The following DHX9 variants were observed in gnomAD, a reference collection of about 807,000 sequenced individuals.
DHX9 encodes DExH-box helicase 9.
In DHX9, 27 loss-of-function variants were observed where a neutral mutation model predicts 148.7. The ratio of observed to expected loss-of-function variants is 0.18; its 90% CI spans 0.13 to 0.25. DHX9 has a LOEUF of 0.25. Ranked by LOEUF, DHX9 falls within the 10% of genes least tolerant of loss-of-function variation. DHX9 has a pLI of 1.00. For synonymous variants in DHX9, 529 were observed against 516.6 expected (o/e 1.02, Z -0.33); for missense variants, 796 against 1,559.6 (o/e 0.51, Z 8.25).
intron 16 of DHX9, 109 bp from the exon 17 acceptor site, chr1:182,875,941 A>G: frequency 1.2e-6 from 1 of 828,762 alleles, no homozygotes; most frequent in Non-Finnish European, 1.9e-6. Context: ...CTAGTCAACT[A>G]GAATAAATAA....
chr1:182,839,882 A>AG (rs1179638742), intron 1 of DHX9: 4 of 152,324 alleles, frequency 2.6e-5, no homozygotes, highest in Admixed American at 1.3e-4. Flanking sequence ...TTGTGGGTAG[A>AG]GGAAAAAAAA....
intron 5 of DHX9, among the ~76,000 whole-genome samples, chr1:182,853,734 G>A (rs757689624): frequency 6.6e-6 from 1 of 151,568 alleles, no homozygotes; most frequent in Admixed American, 6.6e-5. Context: ...AAAGTCTTTA[G>A]TATAGCTTAT....
chr1:182,872,978 A>G (rs926844769), intron 15 of DHX9, among the ~76,000 whole-genome samples: 1 of 152,150 alleles, frequency 6.6e-6, no homozygotes, highest in Non-Finnish European at 1.5e-5. Context: ...TTCTAAGACA[A>G]GGTCTCACTC....
chr1:182,858,709 T>C, intron 9 of DHX9, 24 bp from the exon 10 acceptor site: 1 of 1,612,862 alleles, frequency 6.2e-7, no homozygotes, highest in Non-Finnish European at 8.5e-7. Flanking sequence ...ATATTTTTTG[T>C]TTGTTTTTCT....
intron 6 of DHX9, 39 bp downstream of exon 6, chr1:182,854,217 A>AGGT (rs1384442301): frequency 6.5e-7 from 1 of 1,550,096 alleles, no homozygotes; most frequent in Admixed American, 1.9e-5. Flanking sequence ...TAGTAAGTTA[A>AGGT]GGTGGTTTTG....
chr1:182,881,950 T>A (rs1484270150), intron 24 of DHX9, among the ~76,000 whole-genome samples: 1 of 152,200 alleles, frequency 6.6e-6, no homozygotes, highest in Non-Finnish European at 1.5e-5. Flanking sequence ...CTTTATGACA[T>A]CTAACATAGA....
intron 11 of DHX9, among the ~76,000 whole-genome samples, chr1:182,859,641 C>G (rs1360850098): frequency 6.6e-6 from 1 of 152,026 alleles, no homozygotes; most frequent in Non-Finnish European, 1.5e-5. Context: ...GAGACAAAGT[C>G]TCGCTTAGTT....
At chr1:182,846,456 A>T (rs1008651898) in intron 3 of DHX9, among the ~76,000 whole-genome samples, 2 of 151,874 alleles carry the variant, frequency 1.3e-5, no homozygotes, top group African/African-American at 4.8e-5. Context: ...CTGGTCTCCA[A>T]CTCCCAACCT....
At chr1:182,875,305 C>T (rs1648710477) in intron 16 of DHX9, 1 of 427,092 alleles carries the variant, frequency 2.3e-6, no homozygotes, top group Admixed American at 2.7e-5. Flanking sequence ...GGTAGAAAGA[C>T]AGAATGCTGT....
intron 3 of DHX9, among the ~76,000 whole-genome samples, chr1:182,849,399 ATTC>A (rs1401820559): frequency 6.6e-6 from 1 of 152,234 alleles, no homozygotes; most frequent in African/African-American, 2.4e-5. Flanking sequence ...CTAAAACATA[ATTC>A]TTTTTTTAAA....
chr1:182,843,735 T>C lies in DHX9; in HGVS notation c.252+301T>C, dbSNP rs1667973058. On this transcript the variant is annotated intron_variant, in intron 3 of 27. Transcript: ENST00000367549. The stretch of plus-strand genomic sequence containing the variant: ...TCTGTTATGTTCCATTCATTACCAA[T>C]GATAATACTTTAAATAAAATAGAAA... Among the ~76,000 whole-genome samples the C allele has an allele frequency of 3.9e-5, 6 of 152,306 alleles. No homozygotes were observed. In the South Asian group the frequency reaches 1.2e-3, roughly 32 times the overall value.
chr1:182,844,011 T>C (rs555416911), intron 3 of DHX9, among the ~76,000 whole-genome samples: 2 of 152,260 alleles, frequency 1.3e-5, no homozygotes, highest in South Asian at 4.1e-4. Flanking sequence ...CAGGCTGGAG[T>C]GATCTCGGCT....
chr1:182,882,653 T>A (rs567714559), intron 24 of DHX9, among the ~76,000 whole-genome samples: 1 of 152,048 alleles, frequency 6.6e-6, no homozygotes, highest in African/African-American at 2.4e-5. Context: ...GATCACGAGG[T>A]CAGGAGATCG....
chr1:182,871,039 C>G (rs1648532611), intron 14 of DHX9, among the ~76,000 whole-genome samples: 1 of 152,086 alleles, frequency 6.6e-6, no homozygotes, highest in South Asian at 2.1e-4. Flanking sequence ...ATGAAATGCA[C>G]TAACCTTGAA....
intron 12 of DHX9, among the ~76,000 whole-genome samples, chr1:182,860,904 G>A (rs558684472): frequency 6.6e-6 from 1 of 152,292 alleles, no homozygotes; most frequent in East Asian, 1.9e-4. Context: ...TTGTGGGAGA[G>A]CATTGCAAAT....
intron 1 of DHX9, chr1:182,839,764 G>A (rs898691886): frequency 5.9e-5 from 9 of 152,380 alleles, no homozygotes; most frequent in African/African-American, 2.2e-4. Flanking sequence ...GCACCGCGGC[G>A]GCTGAGGGAA....
chr1:182,847,314 C>T (rs1668049976), intron 3 of DHX9, among the ~76,000 whole-genome samples: 1 of 152,152 alleles, frequency 6.6e-6, no homozygotes, highest in African/African-American at 2.4e-5. Flanking sequence ...GAATATTATG[C>T]TGTGGAGACT....
intron 27 of DHX9, among the ~76,000 whole-genome samples, chr1:182,886,367 T>C (rs998733124): frequency 4.6e-5 from 7 of 151,896 alleles, no homozygotes; most frequent in African/African-American, 1.7e-4. Context: ...AGCTAATTTT[T>C]GTATTTTTAG....
Position 182,887,175 on chromosome 1 carries a change from A to G in DHX9, c.3554A>G (p.Tyr1185Cys), listed in dbSNP as rs1649369140. The change falls in exon 28 of 28, where the codon TAT becomes TGT. Residue 1185 changes from tyrosine (Y) to cysteine (C), a missense_variant. Physicochemically the swap from Tyr to Cys is radical, Grantham distance 194. This residue lies in a region of DHX9 where 86 missense variants were observed against 156.3 expected (regional missense o/e 0.55). Coordinates refer to ENST00000367549, the MANE Select transcript of DHX9 (RefSeq NM_001357.5). ...RGGSSYSGGG[Y>C]GGGYSSGGYG... ...GGTTCTAGTTACAGTGGTGGAGGCT[A>G]TGGCGGTGGCTATAGCAGTGGAGGC... The G allele has an allele frequency of 3.7e-6, 6 of 1,614,148 alleles. No individual in the cohort carries two copies. The highest frequency in any genetic ancestry group is 1.7e-5 in the Admixed American group (1 of 60,016).
Sources: allele counts gnomAD v4.1 joint callset (sites outside exome capture counted in the v4.1 genomes callset), GRCh38; gene constraint gnomAD v4.1.1; regional missense constraint gnomAD v4.1.1; transcripts MANE v1.5; gene names NCBI Gene and HGNC (gene_info 2026-07-23, HGNC 2026-07-21).